Variants in RNLS observed in about 807,000 individuals in gnomAD.
RNLS encodes renalase.
Under a neutral mutation model 39.8 loss-of-function variants are expected in RNLS, and 39 were observed. The ratio of observed to expected loss-of-function variants is 0.98; its 90% confidence interval spans 0.76 to 1.28. The LOEUF is 1.28. Ranked by LOEUF, RNLS falls within the 50% of genes most tolerant of loss-of-function variation. The probability of loss-of-function intolerance (pLI) is 0.00; values close to 1 mark genes in which losing one functional copy is unlikely to be tolerated. For synonymous variants in RNLS, 147 were observed against 150.7 expected (o/e 0.98, Z 0.18); for missense variants, 410 against 413.3 (o/e 0.99, Z 0.07).
At chr10:88,500,476 G>A (rs1309947966) in intron 4 of RNLS, among the ~76,000 whole-genome samples, 1 of 152,068 alleles carries the variant, frequency 6.6e-6, no homozygotes, top group Non-Finnish European at 1.5e-5. Context: ...CACGTGATGG[G>A]GTTGTGAACG....
At chr10:88,297,733 T>C (rs1047752781) in intron 6 of RNLS, among the ~76,000 whole-genome samples, 1 of 152,216 alleles carries the variant, frequency 6.6e-6, no homozygotes. Context: ...TGTTTATCCA[T>C]TCATTAGTTG....
the RNLS span, among the ~76,000 whole-genome samples, chr10:88,193,856 A>G: frequency 0.06 from 9,159 of 152,274 alleles, 365 homozygotes; most frequent in South Asian, 0.15. Flanking sequence ...AGCTAAAACC[A>G]ATTATTTAGA....
intron 4 of RNLS, among the ~76,000 whole-genome samples, chr10:88,486,235 G>A (rs1589876857): frequency 2.6e-5 from 4 of 151,990 alleles, no homozygotes; most frequent in Admixed American, 2.0e-4. Flanking sequence ...ATGGATTAAA[G>A]ACTTAAATGT....
rs1844971853 is a variant in RNLS at position 88,493,026 on chromosome 10, C to A, written c.526+79877G>T. On this transcript the variant is annotated intron_variant, in intron 4 of 6. Coordinates refer to ENST00000331772, the MANE Select transcript of RNLS (RefSeq NM_001031709.3). ...TCAAAACATTTGTGGATGTTACCTA[C>A]ACCAACTGACATTTTATACTACTAA... Among the ~76,000 whole-genome samples the A allele has an allele frequency of 1.3e-5, 2 of 152,124 alleles. 1 individual carries two copies. Among genetic ancestry groups the A allele is most frequent in the South Asian group, 4.1e-4 (2 of 4,828 alleles).
intron 4 of RNLS, among the ~76,000 whole-genome samples, chr10:88,397,489 T>C (rs2133615989): frequency 6.6e-6 from 1 of 152,096 alleles, no homozygotes; most frequent in South Asian, 2.1e-4. Flanking sequence ...GAGTAAAATT[T>C]GTAGGTGTAA....
At chr10:88,403,965 G>T (rs571811167) in intron 4 of RNLS, among the ~76,000 whole-genome samples, 1 of 152,000 alleles carries the variant, frequency 6.6e-6, no homozygotes, top group South Asian at 2.1e-4. Flanking sequence ...AATCACTTAC[G>T]CCAAGGAGTT....
chr10:88,482,178 T>A (rs1223630522), intron 4 of RNLS, among the ~76,000 whole-genome samples: 1 of 152,190 alleles, frequency 6.6e-6, no homozygotes, highest in Non-Finnish European at 1.5e-5. Flanking sequence ...TTCTTGTATC[T>A]GTAATGTTGG....
intron 4 of RNLS, among the ~76,000 whole-genome samples, chr10:88,569,136 C>T (rs1183625541): frequency 6.6e-6 from 1 of 152,166 alleles, no homozygotes; most frequent in Admixed American, 6.5e-5. Flanking sequence ...TTCTTTTTGT[C>T]AGGCTTGGGA....
chr10:88,197,371 C>T, the RNLS span, among the ~76,000 whole-genome samples: 3 of 152,186 alleles, frequency 2.0e-5, no homozygotes, highest in African/African-American at 7.2e-5. Flanking sequence ...CCCAATATGG[C>T]ACCTTCCTGG....
downstream of RNLS, among the ~76,000 whole-genome samples, chr10:88,272,599 C>A (rs922169237): frequency 6.6e-6 from 1 of 152,170 alleles, no homozygotes; most frequent in East Asian, 1.9e-4. Flanking sequence ...CCTAACATAT[C>A]CCAAGTGCTT....
intron 4 of RNLS, chr10:88,545,307 G>T (rs1311113871): frequency 3.3e-6 from 1 of 307,564 alleles, no homozygotes; most frequent in Non-Finnish European, 6.5e-6. Context: ...AAAAGTAACT[G>T]TATTAGTCCA....
intron 4 of RNLS, among the ~76,000 whole-genome samples, chr10:88,507,351 C>T (rs927235077): frequency 6.6e-6 from 1 of 151,914 alleles, no homozygotes; most frequent in Non-Finnish European, 1.5e-5. Flanking sequence ...AAATACAAAA[C>T]AGTAAATCCT....
At chr10:88,394,578 A>T (rs1352924773) in intron 4 of RNLS, among the ~76,000 whole-genome samples, 1 of 152,190 alleles carries the variant, frequency 6.6e-6, no homozygotes, top group African/African-American at 2.4e-5. Flanking sequence ...AAATAGGAAC[A>T]CTTTTACACT....
At chr10:88,484,280 C>A (rs866850572) in intron 4 of RNLS, among the ~76,000 whole-genome samples, 3 of 151,990 alleles carry the variant, frequency 2.0e-5, no homozygotes, top group Admixed American at 6.6e-5. Flanking sequence ...ATGACAAATT[C>A]TTCAAAAAGA....
chr10:88,583,001 G>T, intron 1 of RNLS, 72 bp downstream of exon 1: 1 of 1,527,722 alleles, frequency 6.5e-7, no homozygotes, highest in Admixed American at 1.9e-5. Flanking sequence ...TTTCTTGGGT[G>T]CAGGCCCACA....
chr10:88,506,834 G>A (rs1845823129), intron 4 of RNLS, among the ~76,000 whole-genome samples: 1 of 152,124 alleles, frequency 6.6e-6, no homozygotes, highest in Non-Finnish European at 1.5e-5. Flanking sequence ...CAAAGTGAAA[G>A]ACTAAAGCAT....
intron 6 of RNLS, among the ~76,000 whole-genome samples, chr10:88,296,899 A>T (rs1844133068): frequency 6.6e-6 from 1 of 152,180 alleles, no homozygotes; most frequent in South Asian, 2.1e-4. Flanking sequence ...CCAGAAAGTC[A>T]TAAACACAGA....
chr10:88,358,389 C>A (rs1849366952), intron 5 of RNLS, among the ~76,000 whole-genome samples: 1 of 152,142 alleles, frequency 6.6e-6, no homozygotes, highest in Non-Finnish European at 1.5e-5. Context: ...GGAACCATTT[C>A]TGTGGGATGT....
At chr10:88,252,776 C>T in the RNLS span, among the ~76,000 whole-genome samples, 1 of 152,170 alleles carries the variant, frequency 6.6e-6, no homozygotes, top group South Asian at 2.1e-4. Context: ...ATCACACTAC[C>T]GGGCACATAG....
Sources: allele counts gnomAD v4.1 joint callset (sites outside exome capture counted in the v4.1 genomes callset), GRCh38; gene constraint gnomAD v4.1.1; transcripts MANE v1.5; gene names NCBI Gene and HGNC (gene_info 2026-07-23, HGNC 2026-07-21).